The following ZNF92 variants were observed in gnomAD, a reference collection of about 807,000 sequenced individuals.
ZNF92 encodes the protein zinc finger protein 92, also known as epididymis luminal protein 203.
Under a neutral mutation model 12.4 loss-of-function variants are expected in ZNF92, and 11 were observed. The ratio of observed to expected loss-of-function variants is 0.89; its 90% CI spans 0.56 to 1.47. The LOEUF (loss-of-function observed/expected upper bound fraction) is 1.47. ZNF92 is among the 40% of genes most tolerant of loss of function. The probability of loss-of-function intolerance (pLI) is 0.00; values close to 1 mark genes in which losing one functional copy is unlikely to be tolerated. For synonymous variants in ZNF92, 206 were observed against 228.6 expected (o/e 0.90, Z 0.89); for missense variants, 622 against 681.0 (o/e 0.91, Z 0.96).
rs117688619 is a variant in ZNF92 at position 65,375,954 on chromosome 7, C to T, written c.3+1954C>T. ...TGGTTATTGAGTCTCCCTCTATTGC[C>T]CAGGCTGGAGTGCAGTGGCGTGGTC... On this transcript the variant is annotated intron_variant, in intron 1 of 3. Transcript: ENST00000328747. 5.5e-3 allele frequency among the ~76,000 whole-genome samples: 843 copies of T among 152,100 alleles called. 3 individuals carry two copies. The highest frequency in any genetic ancestry group is 0.024 in the Middle Eastern group (7 of 294).
rs1035388223 is a variant in ZNF92, at chr7:65,391,204, G to A, written c.226+2303G>A. Among the ~76,000 whole-genome samples, 36 of 152,042 alleles carry A rather than the reference G, an allele frequency of 2.4e-4. 1 individual carries two copies. The highest frequency in any genetic ancestry group is 2.2e-3 in the Admixed American group (33 of 15,258). On this transcript the variant is annotated intron_variant, in intron 3 of 3. Transcript: ENST00000328747. ...GCCTGAAGCAATCTCCAACCTCAAT[G>A]TATGATAAAGCTTTCATTACAGGTG...
intron 1 of ZNF92, 51 bp from the exon 2 acceptor site, chr7:65,387,851 T>C (rs1054725239): frequency 6.6e-7 from 1 of 1,512,680 alleles, no homozygotes; most frequent in Non-Finnish European, 8.8e-7. Context: ...ATTCTGCCCA[T>C]GGCCACTTAG....
Position 65,399,593 on chromosome 7 carries a change from C to T in ZNF92, c.1479C>T (p.Ser493=). 2 of 1,613,630 alleles carry T rather than the reference C, an allele frequency of 1.2e-6. No homozygotes were observed. Among genetic ancestry groups the T allele is most frequent in the South Asian group, 1.1e-5 (1 of 91,040 alleles). ...CEECGKAFNQ[S]SIFTKHKIIH... Reference sequence around the variant, plus strand: ...AATGTGGCAAAGCCTTTAACCAGTCCTCAATTTTTACTAAACATAAGATAA... The same window carrying T: ...AATGTGGCAAAGCCTTTAACCAGTCTTCAATTTTTACTAAACATAAGATAA... Residue 493 remains serine (S), a synonymous_variant, in exon 4 of 4, where the codon TCC becomes TCT. Coordinates refer to ENST00000328747, the MANE Select transcript of ZNF92 (RefSeq NM_152626.4).
intron 1 of ZNF92, among the ~76,000 whole-genome samples, chr7:65,385,960 C>T (rs1049525921): frequency 5.3e-5 from 8 of 151,910 alleles, no homozygotes; most frequent in African/African-American, 1.7e-4. Flanking sequence ...CTTTTCCTCC[C>T]TAATGAGTTT....
intron 1 of ZNF92, among the ~76,000 whole-genome samples, chr7:65,376,370 C>G (rs1793238749): frequency 6.6e-6 from 1 of 152,064 alleles, no homozygotes; most frequent in Admixed American, 6.6e-5. Flanking sequence ...AAATTAATAT[C>G]TAATCACATA....
rs1483094862 is a variant in ZNF92 at position 65,377,072 on chromosome 7, ATC to A, written c.3+3074_3+3075del. ...TTTAATGGAAATAATAAAATAATAA[ATC>A]TGTTGTCTGAAGGTAATAGATACTT... On this transcript the variant is annotated intron_variant, in intron 1 of 3. Transcript: ENST00000328747. Among the ~76,000 whole-genome samples the A allele has an allele frequency of 2.0e-5, 3 of 152,094 alleles. 1 individual carries two copies. Among genetic ancestry groups the A allele is most frequent in the African/African-American group, 7.2e-5 (3 of 41,408 alleles).
In ZNF92 at chr7:65,399,905, C is replaced by T; in HGVS notation, c.*30C>T. 1 of 1,519,458 alleles carries T rather than the reference C, an allele frequency of 6.6e-7. No individual in the cohort carries two copies. The highest frequency in any genetic ancestry group is 8.8e-7 in the Non-Finnish European group (1 of 1,133,886). The allele number at this position is 1,519,458 out of a possible 1,614,324, so 94.1% of individuals were successfully genotyped here. On this transcript the variant is annotated 3_prime_UTR_variant, in exon 4 of 4. Transcript: ENST00000328747. ...TGTGACAATGATTTTCACTACACCT[C>T]AAACTTTTCTAAACATAAACCATAT...
chr7:65,382,348 A>G (rs928579834), intron 1 of ZNF92, among the ~76,000 whole-genome samples: 7 of 151,882 alleles, frequency 4.6e-5, no homozygotes, highest in African/African-American at 1.5e-4. Context: ...TTTTAATTAT[A>G]TTTTCCAAAC....
At chr7:65,394,541 A>C (rs1414488567) in intron 3 of ZNF92, among the ~76,000 whole-genome samples, 1 of 152,158 alleles carries the variant, frequency 6.6e-6, no homozygotes, top group Non-Finnish European at 1.5e-5. Flanking sequence ...TCAAATTTTA[A>C]AAATTTAGAC....
intron 1 of ZNF92, among the ~76,000 whole-genome samples, chr7:65,377,714 G>A (rs889893266): frequency 7.3e-5 from 11 of 151,606 alleles, no homozygotes; most frequent in African/African-American, 1.2e-4. Flanking sequence ...CTACAGGCTC[G>A]TGCCACCACA....
At position 65,398,517 on chromosome 7, in the gene ZNF92, C is replaced by T; in HGVS notation, c.403C>T (p.Gln135Ter). The T allele has an allele frequency of 6.2e-7, 1 of 1,611,498 alleles. No homozygotes were observed. The highest frequency in any genetic ancestry group is 8.5e-7 in the Non-Finnish European group (1 of 1,179,210). ...CAAAGGAGGTTATAATGGACTTAAC[C>T]AGTGTTTGACAACTACTGACAGCAA... is the stretch of plus-strand genomic sequence containing the variant. ...VYKGGYNGLN[Q>*]CLTTTDSKIF... is the part of the protein sequence containing the mutation. The change falls in exon 4 of 4, where the codon CAG (glutamine) becomes TAG (stop). Residue 135 changes from glutamine (Q) to a stop codon, truncating the protein, a stop_gained. Transcript: ENST00000328747. LOFTEE classifies it low-confidence loss of function (END_TRUNC).
chr7:65,392,931 G>A (rs911695577), intron 3 of ZNF92, among the ~76,000 whole-genome samples: 1 of 152,030 alleles, frequency 6.6e-6, no homozygotes, highest in African/African-American at 2.4e-5. Context: ...GTTGTCACCT[G>A]TGGTCCCAGC....
chr7:65,390,548 A>C (rs1408561299), intron 3 of ZNF92, among the ~76,000 whole-genome samples: 1 of 152,096 alleles, frequency 6.6e-6, no homozygotes, highest in Non-Finnish European at 1.5e-5. Context: ...GCTTATTACA[A>C]GGGGCTTGGG....
intron 1 of ZNF92, among the ~76,000 whole-genome samples, chr7:65,377,958 A>G (rs1367256156): frequency 6.6e-6 from 1 of 152,166 alleles, no homozygotes; most frequent in Non-Finnish European, 1.5e-5. Context: ...TACCAACTAC[A>G]AGATCTTTAA....
intron 3 of ZNF92, among the ~76,000 whole-genome samples, chr7:65,393,851 C>T (rs1793785310): frequency 6.6e-6 from 1 of 151,554 alleles, no homozygotes; most frequent in Non-Finnish European, 1.5e-5. Flanking sequence ...TTATATGATA[C>T]TTTATATGAT....
At position 65,398,958 on chromosome 7, in the gene ZNF92, G is replaced by A. The variant is rs1793928442; in HGVS notation, c.844G>A (p.Glu282Lys). The change falls in exon 4 of 4, where the codon GAG becomes AAG. Residue 282 changes from glutamate to lysine, a missense_variant. Physicochemically the swap from Glu to Lys is moderately conservative, Grantham distance 56. Transcript: ENST00000328747. ...TAAACATAAAAGAATTCATACAGAA[G>A]AGAAACCCTACAAATGTGAAGAATG... The part of the protein sequence containing the change: ...LTKHKRIHTE[E>K]KPYKCEECGK... The A allele has an allele frequency of 6.2e-7, 1 of 1,613,286 alleles. No homozygotes were observed. Among genetic ancestry groups the A allele is most frequent in the Non-Finnish European group, 8.5e-7 (1 of 1,179,790 alleles).
At chr7:65,377,199 T>C (rs1793266585) in intron 1 of ZNF92, among the ~76,000 whole-genome samples, 1 of 152,152 alleles carries the variant, frequency 6.6e-6, no homozygotes, top group South Asian at 2.1e-4. Flanking sequence ...TTCAAACACT[T>C]AGTTTCAAAA....
chr7:65,387,091 C>T (rs927089272), intron 1 of ZNF92, among the ~76,000 whole-genome samples: 2 of 151,750 alleles, frequency 1.3e-5, no homozygotes, highest in Non-Finnish European at 2.9e-5. Context: ...AGGCACGCGC[C>T]ACCATGCCCG....
Position 65,400,143 on chromosome 7 carries a change from A to G in ZNF92, c.*268A>G, listed in dbSNP as rs1294586609. ...GGAAAAGCCATTTATATCTGCTCAC[A>G]TGTAAAAACATCAGTTCATACTTAA... On this transcript the variant is annotated 3_prime_UTR_variant, in exon 4 of 4. Transcript: ENST00000328747. 3 of 289,758 alleles carry G rather than the reference A, an allele frequency of 1.0e-5. No homozygotes were observed. The highest frequency in any genetic ancestry group is 1.9e-5 in the Non-Finnish European group (3 of 155,854). The allele number at this position is 289,758 out of a possible 1,614,324, so 17.9% of individuals were successfully genotyped here.
Sources: gnomAD v4.1 joint callset for allele counts (sites outside exome capture counted in the v4.1 genomes callset) on GRCh38, gnomAD v4.1.1 for gene constraint, MANE v1.5 for transcripts, NCBI Gene and HGNC (gene_info 2026-07-23, HGNC 2026-07-21) for gene names.